The following CFAP210 variants were observed in gnomAD, a reference collection of about 807,000 sequenced individuals.
CFAP210 encodes the protein cilia- and flagella- associated protein 210.
chr2:169,674,831 A>C, the CFAP210 span: 1 of 1,496,966 alleles, frequency 6.7e-7, no homozygotes, highest in Non-Finnish European at 8.9e-7. Flanking sequence ...AGATATGTTA[A>C]AGATATATAA....
chr2:169,682,352 T>C, the CFAP210 span, among the ~76,000 whole-genome samples: 2 of 152,188 alleles, frequency 1.3e-5, no homozygotes, highest in African/African-American at 2.4e-5. Context: ...TGAGGGCCCA[T>C]GGCAACCGGC....
chr2:169,675,245 C>G, the CFAP210 span, among the ~76,000 whole-genome samples: 8 of 151,908 alleles, frequency 5.3e-5, no homozygotes, highest in African/African-American at 1.7e-4. Context: ...GTTCAAAATC[C>G]CAAAATATTA....
At chr2:169,645,709 A>G in the CFAP210 span, 6 of 661,430 alleles carry the variant, frequency 9.1e-6, no homozygotes, top group African/African-American at 9.1e-5. Context: ...CAAAAGAAAT[A>G]CTGAGAACAA....
the CFAP210 span, chr2:169,660,826 T>G: frequency 3.9e-6 from 1 of 258,590 alleles, no homozygotes; most frequent in South Asian, 4.4e-5. Context: ...GGTCTCGAAC[T>G]CCTGAGCTCA....
At chr2:169,685,662 T>G in the CFAP210 span, among the ~76,000 whole-genome samples, 1 of 147,462 alleles carries the variant, frequency 6.8e-6, no homozygotes, top group South Asian at 2.2e-4. Context: ...TGGTGTCATA[T>G]CTAAGAAATT....
chr2:169,653,864 C>T, the CFAP210 span, among the ~76,000 whole-genome samples: 61,710 of 152,002 alleles, frequency 0.41, 12,803 homozygotes, highest in Non-Finnish European at 0.44. Flanking sequence ...AAGCCATCTT[C>T]AGCTCATACT....
At chr2:169,675,411 T>C in the CFAP210 span, among the ~76,000 whole-genome samples, 1 of 152,168 alleles carries the variant, frequency 6.6e-6, no homozygotes, top group Non-Finnish European at 1.5e-5. Flanking sequence ...GCTCAGCTTC[T>C]GGAGAGGCCT....
At chr2:169,686,354 G>T in the CFAP210 span, among the ~76,000 whole-genome samples, 20 of 152,316 alleles carry the variant, frequency 1.3e-4, no homozygotes, top group East Asian at 3.9e-3. Flanking sequence ...GTAGAATTTT[G>T]ATAGGAATTG....
the CFAP210 span, among the ~76,000 whole-genome samples, chr2:169,669,079 T>G: frequency 2.6e-5 from 4 of 151,956 alleles, no homozygotes; most frequent in Non-Finnish European, 4.4e-5. Flanking sequence ...AGAGACTAAG[T>G]AAAAGAGTAA....
At chr2:169,677,147 G>A in the CFAP210 span, among the ~76,000 whole-genome samples, 28 of 152,194 alleles carry the variant, frequency 1.8e-4, no homozygotes, top group Admixed American at 2.6e-4. Context: ...ACAAATCAGA[G>A]GCAAATGACG....
At chr2:169,688,067 C>T in the CFAP210 span, among the ~76,000 whole-genome samples, 11 of 152,338 alleles carry the variant, frequency 7.2e-5, no homozygotes, top group African/African-American at 2.6e-4. Context: ...GCTGGAGCAG[C>T]TGGGACACAG....
the CFAP210 span, among the ~76,000 whole-genome samples, chr2:169,673,092 A>C: frequency 6.6e-6 from 1 of 152,244 alleles, no homozygotes; most frequent in Non-Finnish European, 1.5e-5. Context: ...AAAGGAATTT[A>C]TGCTGACGTC....
At chr2:169,657,488 C>T in the CFAP210 span, among the ~76,000 whole-genome samples, 5 of 152,126 alleles carry the variant, frequency 3.3e-5, no homozygotes, top group African/African-American at 4.8e-5. Context: ...GAGGCCAAGG[C>T]GGACAGATCA....
At chr2:169,687,418 G>C in the CFAP210 span, among the ~76,000 whole-genome samples, 4 of 152,206 alleles carry the variant, frequency 2.6e-5, no homozygotes, top group African/African-American at 4.8e-5. Flanking sequence ...AGATACGATA[G>C]GGGTACAGGT....
the CFAP210 span, among the ~76,000 whole-genome samples, chr2:169,690,010 T>G: frequency 6.6e-6 from 1 of 152,152 alleles, no homozygotes; most frequent in Admixed American, 6.5e-5. Flanking sequence ...AATTAACTTA[T>G]TTTTTGAGAT....
At chr2:169,667,551 A>G in the CFAP210 span, among the ~76,000 whole-genome samples, 1 of 152,116 alleles carries the variant, frequency 6.6e-6, no homozygotes, top group African/African-American at 2.4e-5. Context: ...GTCTTATGAA[A>G]TGCATTTCTT....
the CFAP210 span, chr2:169,674,604 C>G: frequency 6.2e-7 from 1 of 1,606,912 alleles, no homozygotes; most frequent in East Asian, 2.2e-5. Flanking sequence ...GCAAGAGCCA[C>G]CCTTTCTCTG....
the CFAP210 span, among the ~76,000 whole-genome samples, chr2:169,688,634 A>G: frequency 6.6e-6 from 1 of 152,240 alleles, no homozygotes; most frequent in Non-Finnish European, 1.5e-5. Context: ...GCTAAAACAT[A>G]GCAAGAATCA....
At chr2:169,675,000 T>C in the CFAP210 span, 3 of 1,539,792 alleles carry the variant, frequency 1.9e-6, no homozygotes, top group East Asian at 2.4e-5. Context: ...TATTTCTTCA[T>C]CACGCTTCTT....
Sources: gnomAD v4.1 joint callset for allele counts (sites outside exome capture counted in the v4.1 genomes callset) on GRCh38, gnomAD v4.1.1 for gene constraint, MANE v1.5 for transcripts, NCBI Gene and HGNC (gene_info 2026-07-23, HGNC 2026-07-21) for gene names.